MCF2L2: variants seen among roughly 807,000 people sequenced by gnomAD.
The protein encoded by MCF2L2 is probable guanine nucleotide exchange factor MCF2L2.
Under a neutral mutation model 150.2 loss-of-function variants are expected in MCF2L2, and 102 were observed. The ratio of observed to expected loss-of-function variants is 0.68; its 90% CI spans 0.58 to 0.80. MCF2L2 has a LOEUF of 0.80. MCF2L2 is among the 30% of genes least tolerant of loss of function. The pLI is 0.00. For synonymous variants in MCF2L2, 465 were observed against 491.3 expected (o/e 0.95, Z 0.71); for missense variants, 1,256 against 1,372.8 (o/e 0.91, Z 1.34).
intron 1 of MCF2L2, among the ~76,000 whole-genome samples, chr3:183,426,815 A>C (rs1716187436): frequency 6.6e-6 from 1 of 152,258 alleles, no homozygotes; most frequent in Non-Finnish European, 1.5e-5. Flanking sequence ...TTGGCACCAG[A>C]AACTTTTTTC....
intron 3 of MCF2L2, 70 bp downstream of exon 3, chr3:183,379,227 C>A: frequency 8.5e-7 from 1 of 1,177,332 alleles, no homozygotes; most frequent in Non-Finnish European, 1.2e-6. Context: ...TGTCTCAACC[C>A]AGCCCTGCCA....
intron 21 of MCF2L2, among the ~76,000 whole-genome samples, chr3:183,219,143 C>G (rs946988602): frequency 3.3e-5 from 5 of 152,136 alleles, no homozygotes; most frequent in Admixed American, 6.5e-5. Flanking sequence ...CACACGCACA[C>G]ACACACACAG....
intron 14 of MCF2L2, among the ~76,000 whole-genome samples, chr3:183,282,232 A>G (rs150745464): frequency 0.026 from 3,890 of 151,686 alleles, 174 homozygotes; most frequent in African/African-American, 0.087. Context: ...AGGCTGTGGT[A>G]CAGTGGTGCA....
intron 15 of MCF2L2, among the ~76,000 whole-genome samples, chr3:183,263,306 T>C (rs1725791362): frequency 6.6e-6 from 1 of 152,096 alleles, no homozygotes; most frequent in Admixed American, 6.5e-5. Context: ...TTGCTTTTCT[T>C]CCTGGAAATT....
intron 1 of MCF2L2, 103 bp downstream of exon 1, chr3:183,427,799 G>A (rs939219073): frequency 1.0e-6 from 1 of 978,246 alleles, no homozygotes; most frequent in African/African-American, 1.6e-5. Flanking sequence ...CCCAGGAAGC[G>A]CGCTGCCCCG....
At chr3:183,206,294 T>C (rs930748978) in intron 23 of MCF2L2, 80 bp from the exon 24 acceptor site, 2 of 1,041,632 alleles carry the variant, frequency 1.9e-6, no homozygotes, top group Admixed American at 3.5e-5. Context: ...ACTCTAATCC[T>C]TTCTATCCTT....
At chr3:183,205,820 C>A in intron 25 of MCF2L2, 56 bp downstream of exon 25, 1 of 1,307,786 alleles carries the variant, frequency 7.6e-7, no homozygotes, top group South Asian at 1.2e-5. Context: ...TGCACATCCC[C>A]CACTGAGCTG....
chr3:183,359,410 G>A (rs1163016320), intron 3 of MCF2L2, among the ~76,000 whole-genome samples: 1 of 152,186 alleles, frequency 6.6e-6, no homozygotes, highest in East Asian at 1.9e-4. Context: ...ACTCTGCAGG[G>A]AAACTGGACT....
rs576769954 is a variant in MCF2L2, at chr3:183,180,078, G to T, written c.3098C>A (p.Ala1033Asp). The T allele has an allele frequency of 1.8e-5, 29 of 1,612,812 alleles. No homozygotes were observed. The highest frequency in any genetic ancestry group is 8.9e-5 in the East Asian group (4 of 44,874). ...CAAAAGGGAAGTAATTACACTCAGA[G>T]CACTGCTCTCCTTTTCCATGTCTTC... The part of the protein sequence containing the change: ...GAEDMEKESS[A>D]LSLAGLFQSD... Residue 1033 changes from alanine to aspartate, a missense_variant, in exon 28 of 30, where the codon GCT (alanine) becomes GAT (aspartate). Ala to Asp is a moderately radical substitution (Grantham distance 126). Coordinates refer to ENST00000328913, the MANE Select transcript of MCF2L2 (RefSeq NM_015078.4).
At chr3:183,402,451 C>CAAAAAAAAAAAAAAAAAAAAAA (rs779201489) in intron 1 of MCF2L2, among the ~76,000 whole-genome samples, 49 of 54,746 alleles carry the variant, frequency 9.0e-4, no homozygotes, top group Non-Finnish European at 1.5e-3. Flanking sequence ...GAGACTCCAT[C>CAAAAAAAAAAAAAAAAAAAAAA]AAAAAAAAAA....
intron 1 of MCF2L2, among the ~76,000 whole-genome samples, chr3:183,390,710 A>G (rs1265916906): frequency 6.6e-6 from 1 of 152,220 alleles, no homozygotes; most frequent in African/African-American, 2.4e-5. Context: ...CAGCCTGGTC[A>G]ACAGAGTAAG....
intron 27 of MCF2L2, among the ~76,000 whole-genome samples, chr3:183,192,008 T>A (rs1274658142): frequency 7.2e-6 from 1 of 139,308 alleles, no homozygotes; most frequent in Non-Finnish European, 1.6e-5. Flanking sequence ...GCGCAGCTAA[T>A]TTTTTTTTTT....
intron 19 of MCF2L2, 44 bp downstream of exon 19, chr3:183,224,054 C>A: frequency 7.1e-7 from 1 of 1,399,904 alleles, no homozygotes; most frequent in Non-Finnish European, 1.0e-6. Context: ...CAACTTGATG[C>A]ATAGAAACAT....
intron 5 of MCF2L2, among the ~76,000 whole-genome samples, chr3:183,330,912 T>C (rs916326998): frequency 4.6e-5 from 7 of 152,164 alleles, no homozygotes; most frequent in South Asian, 2.1e-4. Context: ...CACATTTTCT[T>C]ATTTTCTGTA....
Position 183,276,932 on chromosome 3 carries a change from T to C in MCF2L2, c.1802A>G (p.His601Arg), listed in dbSNP as rs762646974. 17 of 1,609,594 alleles carry C rather than the reference T, an allele frequency of 1.1e-5. No individual in the cohort carries two copies. Among genetic ancestry groups the C allele is most frequent in the South Asian group, 2.2e-5 (2 of 90,110 alleles). ...CTCCAGCTCAGGGTTCCCCCTTTCA[T>C]GATGGCTTTCAAAGATTTCTTCACT... ...VKSEEIFESH[H>R]ERGNPELEQQ... The change falls in exon 15 of 30, where the codon CAT (histidine) becomes CGT (arginine). Residue 601 changes from histidine (H) to arginine (R), a missense_variant. Physicochemically the swap from His to Arg is conservative, Grantham distance 29 (BLOSUM62 0). Transcript: ENST00000328913.
At chr3:183,214,480 C>A (rs1422549094) in intron 22 of MCF2L2, among the ~76,000 whole-genome samples, 1 of 151,904 alleles carries the variant, frequency 6.6e-6, no homozygotes, top group Non-Finnish European at 1.5e-5. Context: ...GAAATACCAG[C>A]GTGGGAAGTA....
chr3:183,413,042 C>T (rs937790643), intron 1 of MCF2L2, among the ~76,000 whole-genome samples: 31 of 152,118 alleles, frequency 2.0e-4, no homozygotes, highest in African/African-American at 7.5e-4. Context: ...TTTTTGGATG[C>T]TAAACCAACC....
chr3:183,323,587 T>C (rs1729902420), intron 5 of MCF2L2, among the ~76,000 whole-genome samples: 1 of 151,066 alleles, frequency 6.6e-6, no homozygotes, highest in Non-Finnish European at 1.5e-5. Context: ...AGGCCTGGAG[T>C]TTGAGACCAG....
chr3:183,307,337 T>C (rs1729147770), intron 10 of MCF2L2, among the ~76,000 whole-genome samples: 1 of 152,224 alleles, frequency 6.6e-6, no homozygotes. Flanking sequence ...AAGCCATGTG[T>C]CTGAGAAGTC....
Sources: allele counts gnomAD v4.1 joint callset (sites outside exome capture counted in the v4.1 genomes callset), GRCh38; gene constraint gnomAD v4.1.1; transcripts MANE v1.5; gene names NCBI Gene and HGNC (gene_info 2026-07-23, HGNC 2026-07-21).